NPY4R: variants seen among roughly 807,000 people sequenced by gnomAD.
The protein encoded by NPY4R is neuropeptide Y receptor type 4.
NPY4R carries 2 observed loss-of-function variants against 11.9 expected under a neutral mutation model. The observed-to-expected ratio is 0.17, with a 90% CI of 0.07 to 0.53. The LOEUF is 0.53. Among genes scored for constraint, NPY4R ranks in the 20% least tolerant of loss-of-function variants. NPY4R has a pLI of 0.94. For missense variants in NPY4R, 26 were observed against 280.2 expected (o/e 0.09, Z 6.48); for synonymous variants, 8 against 121.7 (o/e 0.07, Z 6.15).
At chr10:46,466,247 CTTTCTTTCTTTCTTTCCTTT>C (rs1588926594), upstream of NPY4R, among the ~76,000 whole-genome samples, 133 of 68,816 alleles carry the variant, frequency 1.9e-3, 17 homozygotes, top group Non-Finnish European at 2.5e-3. Context: ...TTCTTTCTTT[CTTTCTTTCTTTCTTTCCTTT>C]CTTTCTTTCT....
chr10:46,466,181 C>CTCTCTCTCTTTTCTT (rs1283571743), upstream of NPY4R, among the ~76,000 whole-genome samples: 1 of 22,302 alleles, frequency 4.5e-5, no homozygotes, highest in African/African-American at 1.8e-4. Flanking sequence ...CTGTCTTTCT[C>CTCTCTCTCTTTTCTT]TCTTTCTTTC....
upstream of NPY4R, among the ~76,000 whole-genome samples, chr10:46,468,137 G>A (rs1378213067): frequency 8.0e-6 from 1 of 125,730 alleles, no homozygotes; most frequent in African/African-American, 3.2e-5. Context: ...CTTGTAGATG[G>A]TAGGGCTGGA....
At chr10:46,464,428 A>T (rs1840952803) in intron 1 of NPY4R, among the ~76,000 whole-genome samples, 1 of 115,386 alleles carries the variant, frequency 8.7e-6, no homozygotes, top group East Asian at 2.0e-4. Flanking sequence ...AATTCACCTG[A>T]TAGTTTACAG....
At chr10:46,467,906 T>C (rs1158915988), upstream of NPY4R, among the ~76,000 whole-genome samples, 2 of 104,754 alleles carry the variant, frequency 1.9e-5, no homozygotes, top group Non-Finnish European at 3.9e-5. Context: ...TGAGAACTAC[T>C]GCGCAAGGCA....
chr10:46,466,114 C>T (rs1415581197), upstream of NPY4R, among the ~76,000 whole-genome samples: 11 of 147,690 alleles, frequency 7.4e-5, no homozygotes, highest in Admixed American at 2.0e-4. Context: ...TGCAGCCCTG[C>T]CTGCGTGTGT....
upstream of NPY4R, among the ~76,000 whole-genome samples, chr10:46,466,251 CTTTCTTTCT>C (rs1841037213): frequency 3.1e-4 from 21 of 68,402 alleles, 1 homozygote; most frequent in Admixed American, 7.4e-4. Context: ...TTCTTTCTTT[CTTTCTTTCT>C]TTCCTTTCTT....
chr10:46,466,230 T>TC (rs1395737330), upstream of NPY4R, among the ~76,000 whole-genome samples: 1 of 68,678 alleles, frequency 1.5e-5, no homozygotes, highest in African/African-American at 8.8e-5. Flanking sequence ...TTTCTTTCTT[T>TC]CTTTCTTTCT....
In NPY4R at chr10:46,462,489, G is replaced by T. The variant is rs782711263; in HGVS notation, c.147C>A (p.Ser49Arg). The change falls in exon 3 of 3, where the codon AGC becomes AGA. Residue 49 changes from serine to arginine, a missense_variant. Ser to Arg is a moderately radical substitution (Grantham distance 110). Transcript: ENST00000374312. ...CCAGGACCCCCACGACAGTCTCAAT[G>T]CTGTAGGAAGTGACGATGAAGACCA... ...DVMVFIVTSY[S>R]IETVVGVLGN... is the part of the protein sequence containing the mutation. The T allele has an allele frequency of 1.9e-6, 3 of 1,614,140 alleles. No homozygotes were observed. In the African/African-American group the frequency reaches 4.0e-5, roughly 22 times the overall value.
At chr10:46,466,205 T>C (rs1354258516), upstream of NPY4R, among the ~76,000 whole-genome samples, 89 of 49,680 alleles carry the variant, frequency 1.8e-3, 2 homozygotes, top group African/African-American at 8.4e-3. Flanking sequence ...CTTTCTTTCT[T>C]TCTTTCTTTC....
In NPY4R at chr10:46,462,537, A is replaced by G. The variant is rs782563456; in HGVS notation, c.99T>C (p.His33=). The G allele has an allele frequency of 1.2e-6, 2 of 1,614,102 alleles. No individual in the cohort carries two copies. Among genetic ancestry groups the G allele is most frequent in the Non-Finnish European group, 1.7e-6 (2 of 1,179,990 alleles). ...PLGTPYNFSE[H]CQDSVDVMVF... The stretch of plus-strand genomic sequence containing the variant: ...CCATCACGTCCACGGAATCCTGGCA[A>G]TGTTCAGAGAAGTTGTATGGGGTGC... The change falls in exon 3 of 3, where the codon CAT becomes CAC. Residue 33 remains histidine, a synonymous_variant. Transcript: ENST00000374312.
Position 46,464,392 on chromosome 10 carries a change from T to C in NPY4R, c.-215-507A>G, listed in dbSNP as rs1179177559. On this transcript the variant is annotated intron_variant, in intron 1 of 2. Coordinates refer to ENST00000374312, the MANE Select transcript of NPY4R (RefSeq NM_005972.6). ...TCAAAAAAAAAAAAAAGAGTCTCAT[T>C]TGGTCATTTAAAAGATCAAGCTGTG... is the stretch of plus-strand genomic sequence containing the variant. Among the ~76,000 whole-genome samples the C allele has an allele frequency of 1.2e-3, 131 of 112,750 alleles. 2 individuals carry two copies. Among genetic ancestry groups the C allele is most frequent in the African/African-American group, 4.3e-3 (128 of 29,618 alleles). 74.0% of individuals were successfully genotyped at this position (112,750 alleles called of 152,430 possible). A position where few individuals can be genotyped will look rare whatever the true frequency, so the allele number is the denominator to read the frequency against.
At chr10:46,466,265 TTTC>T (rs1841043504), upstream of NPY4R, among the ~76,000 whole-genome samples, 3 of 70,772 alleles carry the variant, frequency 4.2e-5, no homozygotes, top group Admixed American at 1.3e-4. Context: ...CTTTCTTTCC[TTTC>T]TTTCTTTCTT....
chr10:46,464,331 T>G, intron 1 of NPY4R, among the ~76,000 whole-genome samples: 1 of 124,560 alleles, frequency 8.0e-6, no homozygotes. Flanking sequence ...AGTGCACCAC[T>G]GCACTCCAGC....
At chr10:46,466,243 CTTTCTTTCTTTCTTTCTTTCCTTT>C (rs1841033472), upstream of NPY4R, among the ~76,000 whole-genome samples, 53 of 69,284 alleles carry the variant, frequency 7.6e-4, 8 homozygotes, top group Non-Finnish European at 9.1e-4. Context: ...TTCTTTCTTT[CTTTCTTTCTTTCTTTCTTTCCTTT>C]CTTTCTTTCT....
chr10:46,462,416 T>A lies in NPY4R; in HGVS notation c.220A>T (p.Asn74Tyr). 1.2e-6 allele frequency: 2 copies of A among 1,614,196 alleles called. No homozygotes were observed. The highest frequency in any genetic ancestry group is 1.7e-6 in the Non-Finnish European group (2 of 1,180,020). Residue 74 changes from asparagine (N) to tyrosine (Y), a missense_variant, in exon 3 of 3, where the codon AAC becomes TAC. Physicochemically the swap from Asn to Tyr is moderately radical, Grantham distance 143 (BLOSUM62 -2). Transcript: ENST00000374312. ...TTGGCGATAAGCAGGTTGGTCACGT[T>A]GGCTTTCTCCTTCTGCCTCACAGTC... ...CVTVRQKEKA[N>Y]VTNLLIANLA...
upstream of NPY4R, among the ~76,000 whole-genome samples, chr10:46,466,244 T>TTTC (rs1491403369): frequency 2.8e-5 from 2 of 72,418 alleles, no homozygotes; most frequent in African/African-American, 8.1e-5. Flanking sequence ...TCTTTCTTTC[T>TTTC]TTCTTTCTTT....
upstream of NPY4R, among the ~76,000 whole-genome samples, chr10:46,466,238 TCTTTCTTTCTTTCTTTCTTTCTTTC>T (rs1841031749): frequency 6.5e-4 from 45 of 68,820 alleles, 3 homozygotes; most frequent in African/African-American, 1.8e-3. Context: ...TTTCTTTCTT[TCTTTCTTTCTTTCTTTCTTTCTTTC>T]CTTTCTTTCT....
upstream of NPY4R, among the ~76,000 whole-genome samples, chr10:46,467,573 GTCTAGGTCACAGC>G (rs1554991702): frequency 2.0e-5 from 3 of 149,168 alleles, no homozygotes; most frequent in African/African-American, 4.9e-5. Context: ...ACTCCCCTAT[GTCTAGGTCACAGC>G]TCTTGTCTCC....
chr10:46,466,231 C>CT (rs1325785573), upstream of NPY4R, among the ~76,000 whole-genome samples: 146 of 68,346 alleles, frequency 2.1e-3, 7 homozygotes, highest in African/African-American at 0.012. Context: ...TTCTTTCTTT[C>CT]TTTCTTTCTT....
Sources: gnomAD v4.1 joint callset for allele counts (sites outside exome capture counted in the v4.1 genomes callset) on GRCh38, gnomAD v4.1.1 for gene constraint, MANE v1.5 for transcripts, NCBI Gene and HGNC (gene_info 2026-07-23, HGNC 2026-07-21) for gene names.